The following ARHGAP42 variants were observed in gnomAD, a reference collection of about 807,000 sequenced individuals.
The protein encoded by ARHGAP42 is Rho GTPase activating protein 42, also known as rho GTPase-activating protein 42.
In ARHGAP42, 63 loss-of-function variants were observed where a neutral mutation model predicts 125.0. The observed-to-expected ratio is 0.50, with a 90% confidence interval of 0.41 to 0.62. The LOEUF (loss-of-function observed/expected upper bound fraction) is 0.62. Ranked by LOEUF, ARHGAP42 falls within the 20% of genes least tolerant of loss-of-function variation. The pLI is 0.00. For missense variants in ARHGAP42, 766 were observed against 1,024.2 expected, an observed-to-expected ratio of 0.75 and a Z score of 3.44; for synonymous variants, 339 against 351.0, an observed-to-expected ratio of 0.97 and a Z score of 0.38.
chr11:100,727,646 G>C (rs1388845921), intron 1 of ARHGAP42, among the ~76,000 whole-genome samples: 1 of 152,170 alleles, frequency 6.6e-6, no homozygotes, highest in Non-Finnish European at 1.5e-5. Flanking sequence ...CCGGGTTGCT[G>C]AGCACATCCA....
rs1251968374 is a variant in ARHGAP42 at position 100,687,719 on chromosome 11, A to G, written c.41A>G (p.Asp14Gly). ...CTGGAGTTCAGCGATTCCTACTTGG[A>G]CAGCCCAGATTTCAGGGAGCGCTTG... The part of the protein sequence containing the change: ...PTLEFSDSYL[D>G]SPDFRERLQC... The change falls in exon 1 of 24, where the codon GAC becomes GGC. Residue 14 changes from aspartate to glycine, a missense_variant. This residue lies in a region of ARHGAP42 where 455 missense variants were observed against 636.5 expected (regional missense o/e 0.71). Coordinates refer to ENST00000298815, the MANE Select transcript of ARHGAP42 (RefSeq NM_152432.4). 6.5e-7 allele frequency: 1 copy of G among 1,548,846 alleles called. No individual in the cohort carries two copies. The highest frequency in any genetic ancestry group is 8.7e-7 in the Non-Finnish European group (1 of 1,146,182).
At chr11:100,722,579 G>A (rs919743391) in intron 1 of ARHGAP42, among the ~76,000 whole-genome samples, 4 of 151,722 alleles carry the variant, frequency 2.6e-5, no homozygotes, top group East Asian at 1.9e-4. Flanking sequence ...TAGTAGAGAC[G>A]GGTTTCACCA....
chr11:100,849,615 A>G (rs1019091622), intron 3 of ARHGAP42, among the ~76,000 whole-genome samples: 5 of 151,868 alleles, frequency 3.3e-5, no homozygotes, highest in African/African-American at 1.2e-4. Context: ...CAACACTGTG[A>G]TTAAATTTGC....
chr11:100,764,153 C>G (rs1471676839), intron 1 of ARHGAP42, among the ~76,000 whole-genome samples: 1 of 151,896 alleles, frequency 6.6e-6, no homozygotes, highest in East Asian at 1.9e-4. Context: ...TCCTGAGTAG[C>G]TAAGACCACT....
At position 100,915,428 on chromosome 11, in the gene ARHGAP42, T is replaced by C. The variant is rs1438180575; in HGVS notation, c.486+1875T>C. On this transcript the variant is annotated intron_variant, in intron 5 of 23. Transcript: ENST00000298815. ...CTATGGCCAGGTGCCTTTTTACAAA[T>C]TGACTACAGGAAAATTATGGGTGGT... Among the ~76,000 whole-genome samples, 6 of 152,144 alleles carry C rather than the reference T, an allele frequency of 3.9e-5. No individual in the cohort carries two copies. In the South Asian group the frequency reaches 6.2e-4, roughly 16 times the overall value.
intron 4 of ARHGAP42, among the ~76,000 whole-genome samples, chr11:100,897,308 G>A (rs1306785593): frequency 6.6e-6 from 1 of 152,154 alleles, no homozygotes; most frequent in East Asian, 1.9e-4. Flanking sequence ...GCTTAGGATT[G>A]ACTTGGCAAT....
At chr11:100,952,741 T>C (rs1272029143) in intron 12 of ARHGAP42, among the ~76,000 whole-genome samples, 1 of 147,572 alleles carries the variant, frequency 6.8e-6, no homozygotes, top group Non-Finnish European at 1.5e-5. Flanking sequence ...AGGCTTTTTT[T>C]TTTTGAGATG....
intron 2 of ARHGAP42, among the ~76,000 whole-genome samples, chr11:100,778,877 C>T (rs970393268): frequency 7.2e-5 from 11 of 152,066 alleles, no homozygotes; most frequent in Non-Finnish European, 1.5e-4. Flanking sequence ...CCCCTAAAAC[C>T]TCATTCTTTT....
chr11:100,902,960 T>C (rs1866593118), intron 4 of ARHGAP42, among the ~76,000 whole-genome samples: 1 of 152,046 alleles, frequency 6.6e-6, no homozygotes, highest in Non-Finnish European at 1.5e-5. Context: ...CCCCGAGGTG[T>C]GTTGGTTTTG....
intron 2 of ARHGAP42, among the ~76,000 whole-genome samples, chr11:100,773,590 C>T (rs1049969974): frequency 1.5e-4 from 23 of 152,192 alleles, no homozygotes; most frequent in African/African-American, 5.3e-4. Flanking sequence ...CTTGAAGTCA[C>T]ACATACATGT....
chr11:100,887,636 A>G (rs150002431), intron 4 of ARHGAP42, among the ~76,000 whole-genome samples: 128 of 152,304 alleles, frequency 8.4e-4, no homozygotes, highest in Non-Finnish European at 1.5e-3. Flanking sequence ...TAAATGATGG[A>G]CACAGAGATG....
rs1324096729 is a variant in ARHGAP42 at position 100,976,842 on chromosome 11, A to C, written c.2264A>C (p.Gln755Pro). 6.4e-7 allele frequency: 1 copy of C among 1,551,014 alleles called. No individual in the cohort carries two copies. Among genetic ancestry groups the C allele is most frequent in the Admixed American group, 2.0e-5 (1 of 50,996 alleles). ...EGNKSYSGSIQSLTSVGSKET... is the reference protein window; with the variant it reads ...EGNKSYSGSIPSLTSVGSKET... ...AACAAGAGCTACAGTGGATCTATTC[A>C]AAGCTTAACTTCTGTAGGTTCCAAG... Residue 755 changes from glutamine to proline, a missense_variant, in exon 21 of 24, where the codon CAA (glutamine) becomes CCA (proline). Around this residue, in one of 3 missense-constraint regions of ARHGAP42, gnomAD observed 308 missense variants for 369.7 expected, o/e 0.83. Transcript: ENST00000298815.
chr11:100,903,744 ATATATATATATG>A (rs1227712402), intron 4 of ARHGAP42, among the ~76,000 whole-genome samples: 3 of 114,022 alleles, frequency 2.6e-5, no homozygotes, highest in South Asian at 3.2e-4. Flanking sequence ...ATATATATAT[ATATATATATATG>A]TATGTAAAGG....
chr11:100,950,511 G>A (rs567860798), intron 12 of ARHGAP42, among the ~76,000 whole-genome samples: 1 of 151,558 alleles, frequency 6.6e-6, no homozygotes, highest in Non-Finnish European at 1.5e-5. Context: ...AAAATATAAG[G>A]ACCTTGTCAT....
At chr11:100,907,647 GC>G (rs1396019266) in intron 4 of ARHGAP42, among the ~76,000 whole-genome samples, 1 of 152,138 alleles carries the variant, frequency 6.6e-6, no homozygotes, top group Non-Finnish European at 1.5e-5. Flanking sequence ...GATCCCTTGG[GC>G]TCCAGGTAAT....
At chr11:100,723,816 A>G (rs1272630072) in intron 1 of ARHGAP42, among the ~76,000 whole-genome samples, 2 of 152,152 alleles carry the variant, frequency 1.3e-5, no homozygotes, top group African/African-American at 4.8e-5. Context: ...TGAGAGGGAT[A>G]TCATTGTCTT....
chr11:100,936,900 T>G (rs1867752406), intron 8 of ARHGAP42, among the ~76,000 whole-genome samples: 2 of 152,236 alleles, frequency 1.3e-5, no homozygotes, highest in Admixed American at 1.3e-4. Flanking sequence ...TGGAGTTTTT[T>G]GTGCATGTTA....
chr11:100,851,473 G>A (rs1157226092), intron 3 of ARHGAP42, among the ~76,000 whole-genome samples: 4 of 152,124 alleles, frequency 2.6e-5, no homozygotes, highest in African/African-American at 4.8e-5. Context: ...CGTGTTTCTG[G>A]TGATGCCAGT....
intron 4 of ARHGAP42, among the ~76,000 whole-genome samples, chr11:100,905,130 T>G (rs1866686428): frequency 6.6e-6 from 1 of 152,246 alleles, no homozygotes; most frequent in East Asian, 1.9e-4. Flanking sequence ...CCTCTCTTGC[T>G]ATCCCATCTC....
Sources: gnomAD v4.1 joint callset for allele counts (sites outside exome capture counted in the v4.1 genomes callset) on GRCh38, gnomAD v4.1.1 for gene constraint, gnomAD v4.1.1 regional missense constraint, MANE v1.5 for transcripts, NCBI Gene and HGNC (gene_info 2026-07-23, HGNC 2026-07-21) for gene names.